The following PCDHGB2 variants were observed in gnomAD, a reference collection of about 807,000 sequenced individuals.
PCDHGB2 encodes the protein protocadherin gamma-B2.
PCDHGB2 carries 55 observed loss-of-function variants against 59.3 expected under a neutral mutation model. The ratio of observed to expected loss-of-function variants is 0.93; its 90% confidence interval spans 0.75 to 1.16. The LOEUF (loss-of-function observed/expected upper bound fraction) is 1.16. PCDHGB2 is among the 50% of genes most tolerant of loss of function. The pLI is 0.00. For missense variants in PCDHGB2, 1,228 were observed against 1,198.5 expected, an observed-to-expected ratio of 1.02 and a Z score of -0.36; for synonymous variants, 516 against 512.0, an observed-to-expected ratio of 1.01 and a Z score of -0.11.
At chr5:141,395,110 GTCACCTGATCTT>G in intron 1 of PCDHGB2, 2 of 1,614,214 alleles carry the variant, frequency 1.2e-6, no homozygotes, top group African/African-American at 1.3e-5. Flanking sequence ...TCGCGGAAGA[GTCACCTGATCTT>G]TCCCCAGCCC....
chr5:141,453,144 C>T lies in PCDHGB2; in HGVS notation c.2422-41663C>T, dbSNP rs530175947. ...TTGTTTTGTTTTTGAGATAGGGTCT[C>T]GCTATGTCACCCAGGCTGGAGTCCA... On this transcript the variant is annotated intron_variant, in intron 1 of 3. Transcript: ENST00000522605. Among the ~76,000 whole-genome samples, 290 of 152,062 alleles carry T rather than the reference C, an allele frequency of 1.9e-3. 1 individual carries two copies. The highest frequency in any genetic ancestry group is 6.3e-3 in the African/African-American group (260 of 41,478).
intron 1 of PCDHGB2, among the ~76,000 whole-genome samples, chr5:141,482,274 G>A (rs1219523359): frequency 6.6e-6 from 1 of 152,094 alleles, no homozygotes; most frequent in Non-Finnish European, 1.5e-5. Flanking sequence ...TTTAGCTTAG[G>A]TAAGTCTTTT....
intron 1 of PCDHGB2, chr5:141,372,273 C>A (rs201775561): frequency 5.4e-4 from 865 of 1,613,108 alleles, no homozygotes; most frequent in Non-Finnish European, 6.7e-4. Flanking sequence ...GGGTGAGGTG[C>A]GCACGGCGCG....
In PCDHGB2 at chr5:141,486,444, T is replaced by C. The variant is rs769032995; in HGVS notation, c.2422-8363T>C. 2 of 1,614,086 alleles carry C rather than the reference T, an allele frequency of 1.2e-6. No individual in the cohort carries two copies. On this transcript the variant is annotated intron_variant, in intron 1 of 3. Transcript: ENST00000522605. This position sits in a 1 kb window ranked among gnomAD's most constrained non-coding sequence, Gnocchi z 5.0. ...GAGGCCAAATCTAGCTATGACATCA[T>C]GGTCACTGCTTCTGATGCTGGGAAC...
At chr5:141,438,579 CAT>C (rs2097974137) in intron 1 of PCDHGB2, among the ~76,000 whole-genome samples, 1 of 55,780 alleles carries the variant, frequency 1.8e-5, no homozygotes, top group Admixed American at 2.8e-4. Context: ...GATATACATA[CAT>C]ACATACATAC....
At chr5:141,474,447 G>A (rs1263877262) in intron 1 of PCDHGB2, among the ~76,000 whole-genome samples, 1 of 152,218 alleles carries the variant, frequency 6.6e-6, no homozygotes, top group Non-Finnish European at 1.5e-5. Flanking sequence ...AGTAGCAAGT[G>A]ATTGGGCTAT....
At chr5:141,380,929 C>T (rs1385655578) in intron 1 of PCDHGB2, among the ~76,000 whole-genome samples, 1 of 152,234 alleles carries the variant, frequency 6.6e-6, no homozygotes, top group East Asian at 1.9e-4. Flanking sequence ...AATAATCATA[C>T]ACTTTGCTTG....
intron 1 of PCDHGB2, chr5:141,366,198 C>A (rs187196267): frequency 1.2e-6 from 2 of 1,613,774 alleles, no homozygotes; most frequent in African/African-American, 2.7e-5. Flanking sequence ...GGGCTGCACA[C>A]GGGCGAGGTG....
rs183531575 is a variant in PCDHGB2 at position 141,469,308 on chromosome 5, G to A, written c.2422-25499G>A. Among the ~76,000 whole-genome samples the A allele has an allele frequency of 2.5e-3, 379 of 152,184 alleles. 1 individual carries two copies. The highest frequency in any genetic ancestry group is 5.8e-3 in the South Asian group (28 of 4,814). On this transcript the variant is annotated intron_variant, in intron 1 of 3. Transcript: ENST00000522605. ...TAAAACAAAATAGACTGGGCACGAT[G>A]GCTCACGCCTGTAATCCCACCACTT...
intron 1 of PCDHGB2, chr5:141,385,087 G>C: frequency 6.2e-7 from 1 of 1,614,234 alleles, no homozygotes; most frequent in Non-Finnish European, 8.5e-7. Flanking sequence ...GGCTTCAGAA[G>C]GTGGCTTGGC....
At chr5:141,420,462 G>T in intron 1 of PCDHGB2, 2 of 892,618 alleles carry the variant, frequency 2.2e-6, no homozygotes. Context: ...ACTATTCAAA[G>T]ACATTTTAAA....
At chr5:141,420,406 T>C (rs2096494414) in intron 1 of PCDHGB2, 1 of 1,241,672 alleles carries the variant, frequency 8.1e-7, no homozygotes, top group Non-Finnish European at 1.1e-6. Context: ...AATTTATGGT[T>C]ATCATTATTA....
chr5:141,360,994 C>A lies in PCDHGB2; in HGVS notation c.859C>A (p.Gln287Lys), dbSNP rs367799961. 3.1e-6 allele frequency: 5 copies of A among 1,613,358 alleles called. No individual in the cohort carries two copies. In the African/African-American group the frequency reaches 4.0e-5, roughly 13 times the overall value. Residue 287 changes from glutamine to lysine, a missense_variant, in exon 1 of 4, where the codon CAA becomes AAA. Around this residue, in one of 3 missense-constraint regions of PCDHGB2, gnomAD observed 781 missense variants for 721.6 expected, o/e 1.08. Coordinates refer to ENST00000522605, the MANE Select transcript of PCDHGB2 (RefSeq NM_018923.3). ...CTACTCCTTTCATAATGTGGACGAA[C>A]AAGTGAAACACTTTTTCAACTTAAA... is the stretch of plus-strand genomic sequence containing the variant. Reference protein sequence around the residue: ...ITYSFHNVDEQVKHFFNLNEK... With the variant: ...ITYSFHNVDEKVKHFFNLNEK...
intron 3 of PCDHGB2, among the ~76,000 whole-genome samples, chr5:141,508,711 T>G (rs1201917424): frequency 6.6e-6 from 1 of 152,058 alleles, no homozygotes; most frequent in Admixed American, 6.5e-5. Flanking sequence ...CTCATTCTTT[T>G]CTGTGTGCAG....
chr5:141,433,850 A>C (rs899643386), intron 1 of PCDHGB2, among the ~76,000 whole-genome samples: 2 of 151,896 alleles, frequency 1.3e-5, no homozygotes, highest in East Asian at 3.9e-4. Flanking sequence ...AAAAAAAAAA[A>C]AAAAACTTTA....
chr5:141,372,340 G>C, intron 1 of PCDHGB2: 1 of 1,613,790 alleles, frequency 6.2e-7, no homozygotes, highest in Non-Finnish European at 8.5e-7. Flanking sequence ...GTGCGTGATG[G>C]AGGACAGCAG....
chr5:141,450,916 C>T (rs1168320527), intron 1 of PCDHGB2, among the ~76,000 whole-genome samples: 1 of 151,580 alleles, frequency 6.6e-6, no homozygotes, highest in Admixed American at 6.6e-5. Flanking sequence ...CCGCTGCCTC[C>T]CAGATTCAAG....
At chr5:141,420,245 G>A (rs72790042) in intron 1 of PCDHGB2, 83,459 of 1,583,130 alleles carry the variant, frequency 0.053, 2,452 homozygotes, top group African/African-American at 0.1. Context: ...AACTCCCAGC[G>A]TTGAAGCAGA....
rs756144117 is a variant in PCDHGB2, at chr5:141,485,181, G to A, written c.2422-9626G>A. On this transcript the variant is annotated intron_variant, in intron 1 of 3. Transcript: ENST00000522605. This position sits in a 1 kb window ranked among gnomAD's most constrained non-coding sequence, Gnocchi z 5.7. ...AATTAGCGGGCGGCAGCAATGCTCC[G>A]CAAGGTGAGAAGCTGGACAGAAATC... 3.1e-6 allele frequency: 5 copies of A among 1,612,942 alleles called. No individual in the cohort carries two copies. The South Asian group carries it at 4.4e-5, about 14-fold the overall frequency.
Sources: gnomAD v4.1 joint callset for allele counts (sites outside exome capture counted in the v4.1 genomes callset) on GRCh38, gnomAD v4.1.1 for gene constraint, gnomAD v4.1.1 regional missense constraint, Gnocchi (gnomAD v3.1) non-coding constraint, MANE v1.5 for transcripts, NCBI Gene and HGNC (gene_info 2026-07-23, HGNC 2026-07-21) for gene names.